The following EGFLAM variants were observed in gnomAD, a reference collection of about 807,000 sequenced individuals.
EGFLAM encodes EGF like, fibronectin type III and laminin G domains, also known as pikachurin.
Under a neutral mutation model 113.1 loss-of-function variants are expected in EGFLAM, and 79 were observed. The observed-to-expected ratio is 0.70, with a 90% CI of 0.58 to 0.84. EGFLAM has a LOEUF of 0.84. EGFLAM is among the 40% of genes least tolerant of loss of function. The pLI is 0.00. For missense variants in EGFLAM, 1,265 were observed against 1,291.6 expected, an observed-to-expected ratio of 0.98 and a Z score of 0.32; for synonymous variants, 504 against 487.6, an observed-to-expected ratio of 1.03 and a Z score of -0.44.
Position 38,423,527 on chromosome 5 carries a change from G to A in EGFLAM, c.1685-1440G>A, listed in dbSNP as rs976831945. Among the ~76,000 whole-genome samples the A allele has an allele frequency of 7.2e-5, 11 of 152,108 alleles. 1 individual carries two copies. Among genetic ancestry groups the A allele is most frequent in the African/African-American group, 2.2e-4 (9 of 41,424 alleles). On this transcript the variant is annotated intron_variant, in intron 12 of 21. Transcript: ENST00000322350. Reference sequence around the variant, plus strand: ...ATCTAAAATAACATACAAGGATCCCGCTTCTTCCTGTGGATCCAGCCAAGC... The same window carrying A: ...ATCTAAAATAACATACAAGGATCCCACTTCTTCCTGTGGATCCAGCCAAGC...
intron 1 of EGFLAM, among the ~76,000 whole-genome samples, chr5:38,274,838 C>G (rs1450678161): frequency 6.6e-6 from 1 of 152,174 alleles, no homozygotes; most frequent in Non-Finnish European, 1.5e-5. Context: ...GTATAAATCA[C>G]TTACATCCTT....
At position 38,391,838 on chromosome 5, in the gene EGFLAM, G is replaced by A. The variant is rs568976499; in HGVS notation, c.713-14288G>A. 1.5e-4 allele frequency among the ~76,000 whole-genome samples: 23 copies of A among 150,644 alleles called. No homozygotes were observed. The South Asian group carries it at 2.3e-3, about 15-fold the overall frequency. On this transcript the variant is annotated intron_variant, in intron 6 of 21. Transcript: ENST00000322350. ...GCCGCCCAGGCTGGACTGCAGTGGC[G>A]CAACCTTGGCTCACTGCAAACTCTA...
At chr5:38,338,868 A>C in intron 3 of EGFLAM, 87 bp downstream of exon 3, 1 of 1,031,366 alleles carries the variant, frequency 9.7e-7, no homozygotes, top group Non-Finnish European at 1.5e-6. Context: ...GCTACTGTAC[A>C]TGTAATAATA....
In EGFLAM at chr5:38,426,594, C is replaced by T. The variant is rs532236605; in HGVS notation, c.1811-415C>T. ...ACATACCAGCTCATATTTCAGTAGC[C>T]TTACATAATCAAGGCTGGTTCTTGC... is the stretch of plus-strand genomic sequence containing the variant. On this transcript the variant is annotated intron_variant, in intron 13 of 21. Coordinates refer to ENST00000322350, the MANE Select transcript of EGFLAM (RefSeq NM_152403.4). Among the ~76,000 whole-genome samples the T allele has an allele frequency of 3.5e-3, 530 of 152,220 alleles. 1 individual carries two copies. The highest frequency in any genetic ancestry group is 5.8e-3 in the Non-Finnish European group (396 of 68,002).
chr5:38,355,958 C>T (rs989481884), intron 5 of EGFLAM, among the ~76,000 whole-genome samples: 8 of 152,106 alleles, frequency 5.3e-5, no homozygotes, highest in Admixed American at 4.6e-4. Flanking sequence ...TGGGGTTTCA[C>T]CGTGTTGGTC....
chr5:38,451,253 G>T, intron 18 of EGFLAM, 62 bp from the exon 19 acceptor site: 1 of 1,581,218 alleles, frequency 6.3e-7, no homozygotes, highest in South Asian at 1.2e-5. Flanking sequence ...GACAAAACTG[G>T]AATTACTCGG....
intron 6 of EGFLAM, among the ~76,000 whole-genome samples, chr5:38,383,562 T>C (rs1740573144): frequency 6.6e-6 from 1 of 152,170 alleles, no homozygotes; most frequent in East Asian, 1.9e-4. Flanking sequence ...GATGTCTGTT[T>C]ATGCCCAGGT....
intron 5 of EGFLAM, among the ~76,000 whole-genome samples, chr5:38,353,938 A>G (rs1342208732): frequency 1.3e-5 from 2 of 152,188 alleles, no homozygotes; most frequent in Admixed American, 1.3e-4. Context: ...GCCAAGCTGA[A>G]GTCTCTTTCC....
At chr5:38,443,354 TA>T (rs1456599478) in intron 17 of EGFLAM, among the ~76,000 whole-genome samples, 1 of 152,240 alleles carries the variant, frequency 6.6e-6, no homozygotes. Flanking sequence ...AGAAAACATT[TA>T]AACCAACTAC....
At chr5:38,361,239 A>T (rs1579820487) in intron 5 of EGFLAM, among the ~76,000 whole-genome samples, 2 of 152,094 alleles carry the variant, frequency 1.3e-5, no homozygotes, top group East Asian at 3.9e-4. Flanking sequence ...ACTCTTGTTC[A>T]TCCTTCAGGA....
chr5:38,269,057 C>T lies in EGFLAM; in HGVS notation c.97+10206C>T, dbSNP rs575581873. Among the ~76,000 whole-genome samples the T allele has an allele frequency of 3.9e-5, 6 of 152,190 alleles. No homozygotes were observed. In the East Asian group the frequency reaches 1.2e-3, roughly 30 times the overall value. On this transcript the variant is annotated intron_variant, in intron 1 of 21. Transcript: ENST00000322350. ...CCAGTTGTGGTGATGTGCACACTTA[C>T]AGTCCCAGCTACTCAGGAGGCTGAG...
At chr5:38,360,924 G>A (rs866986837) in intron 5 of EGFLAM, among the ~76,000 whole-genome samples, 1 of 151,544 alleles carries the variant, frequency 6.6e-6, no homozygotes. Flanking sequence ...GTGTGATCTT[G>A]GCTCACTGCA....
intron 11 of EGFLAM, among the ~76,000 whole-genome samples, chr5:38,416,034 C>A (rs1220200976): frequency 2.6e-5 from 4 of 151,786 alleles, no homozygotes; most frequent in Non-Finnish European, 5.9e-5. Flanking sequence ...TGGGTGGAGA[C>A]ACAGCCAAGC....
chr5:38,389,699 A>AT (rs1561062983), intron 6 of EGFLAM, among the ~76,000 whole-genome samples: 4 of 151,892 alleles, frequency 2.6e-5, no homozygotes, highest in African/African-American at 9.7e-5. Context: ...TTTCATTCAT[A>AT]TTTTTGTTTC....
chr5:38,393,619 G>T (rs558528306), intron 6 of EGFLAM, among the ~76,000 whole-genome samples: 1 of 152,238 alleles, frequency 6.6e-6, no homozygotes, highest in African/African-American at 2.4e-5. Flanking sequence ...TCGTGGGCTG[G>T]AACTGGAGTG....
chr5:38,402,410 T>A (rs1741144410), intron 6 of EGFLAM, among the ~76,000 whole-genome samples: 1 of 152,160 alleles, frequency 6.6e-6, no homozygotes, highest in African/African-American at 2.4e-5. Flanking sequence ...ACACCAATTT[T>A]ATAGTATTTT....
intron 1 of EGFLAM, among the ~76,000 whole-genome samples, chr5:38,293,618 C>T (rs995275314): frequency 6.6e-6 from 1 of 152,088 alleles, no homozygotes; most frequent in African/African-American, 2.4e-5. Context: ...TATGGTTCTT[C>T]AAGATACAAA....
At chr5:38,319,196 T>C (rs1031837523) in intron 1 of EGFLAM, among the ~76,000 whole-genome samples, 1 of 152,146 alleles carries the variant, frequency 6.6e-6, no homozygotes, top group Non-Finnish European at 1.5e-5. Context: ...GACATTCTCT[T>C]TAGACCTTCA....
rs34444620 is a variant in EGFLAM at position 38,358,446 on chromosome 5, CAAAAAAAA to C, written c.545+6130_545+6137del. On this transcript the variant is annotated intron_variant, in intron 5 of 21. Coordinates refer to ENST00000322350, the MANE Select transcript of EGFLAM (RefSeq NM_152403.4). The stretch of plus-strand genomic sequence containing the variant: ...TGGGCGACAGAGCAAGACTCCGTCT[CAAAAAAAA>C]AAAAAAAAAAAAAAGATTAACCTGA... 2.4e-3 allele frequency among the ~76,000 whole-genome samples: 180 copies of C among 74,110 alleles called. 1 individual carries two copies. The highest frequency in any genetic ancestry group is 9.5e-3 in the African/African-American group (176 of 18,476). 48.6% of individuals were successfully genotyped at this position (74,110 alleles called of 152,430 possible).
Sources: gnomAD v4.1 joint callset for allele counts (sites outside exome capture counted in the v4.1 genomes callset) on GRCh38, gnomAD v4.1.1 for gene constraint, MANE v1.5 for transcripts, NCBI Gene and HGNC (gene_info 2026-07-23, HGNC 2026-07-21) for gene names.